Variants in UTP15 observed in about 807,000 individuals in gnomAD.
UTP15 encodes the protein UTP15 small subunit processome component.
UTP15 carries 5 observed loss-of-function variants against 59.1 expected under a neutral mutation model. The observed-to-expected ratio is 0.08, with a 90% CI of 0.04 to 0.18. The LOEUF (loss-of-function observed/expected upper bound fraction) is 0.18, where lower values mean the gene tolerates loss of function less well. Ranked by LOEUF, UTP15 falls within the 10% of genes least tolerant of loss-of-function variation. The probability of loss-of-function intolerance (pLI) is 1.00; values close to 1 mark genes in which losing one functional copy is unlikely to be tolerated. For synonymous variants in UTP15, 211 were observed against 212.2 expected (o/e 0.99, Z 0.05); for missense variants, 494 against 616.7 (o/e 0.80, Z 2.11).
At chr5:73,574,810 T>C (rs1748042473) in intron 7 of UTP15, among the ~76,000 whole-genome samples, 1 of 152,232 alleles carries the variant, frequency 6.6e-6, no homozygotes, top group Non-Finnish European at 1.5e-5. Context: ...TTTATTATTT[T>C]ATTTCCATAT....
At position 73,568,299 on chromosome 5, in the gene UTP15, A is replaced by G. The variant is rs375385937; in HGVS notation, c.155A>G (p.Tyr52Cys). 1 of 1,610,802 alleles carries G rather than the reference A, an allele frequency of 6.2e-7. No homozygotes were observed. Among genetic ancestry groups the G allele is most frequent in the Non-Finnish European group, 8.5e-7 (1 of 1,179,030 alleles). The change falls in exon 3 of 13, where the codon TAT (tyrosine) becomes TGT (cysteine). Residue 52 changes from tyrosine to cysteine, a missense_variant. Coordinates refer to ENST00000296792, the MANE Select transcript of UTP15 (RefSeq NM_032175.4). The part of the protein sequence containing the change: ...SKVDFSPQPP[Y>C]NYAVTASSRI... Reference sequence around the variant, plus strand: ...GTAGACTTTTCTCCTCAGCCTCCATATAATTATGCTGTCACAGCTTCCTCA... The same window carrying G: ...GTAGACTTTTCTCCTCAGCCTCCATGTAATTATGCTGTCACAGCTTCCTCA...
chr5:73,573,065 G>A (rs1256705192), intron 7 of UTP15, among the ~76,000 whole-genome samples: 1 of 151,946 alleles, frequency 6.6e-6, no homozygotes, highest in East Asian at 1.9e-4. Context: ...CAAAGTGCTG[G>A]GATTACAGGC....
intron 7 of UTP15, among the ~76,000 whole-genome samples, chr5:73,574,001 G>A (rs1197683021): frequency 1.3e-5 from 2 of 152,050 alleles, no homozygotes; most frequent in East Asian, 3.8e-4. Context: ...AATAAATTAA[G>A]CATCTAAACA....
chr5:73,567,308 T>C lies in UTP15; in HGVS notation c.-37T>C, dbSNP rs1747805160. The C allele has an allele frequency of 7.0e-7, 1 of 1,437,736 alleles. No homozygotes were observed. The highest frequency in any genetic ancestry group is 9.5e-7 in the Non-Finnish European group (1 of 1,051,028). The allele number at this position is 1,437,736 out of a possible 1,614,324, so 89.1% of individuals were successfully genotyped here. ...ATTATTTCTAATACCAATTCCAAAATAGTGACTCTTGGACAATAGTGCAAT... is the reference window on the plus strand; with the variant it reads ...ATTATTTCTAATACCAATTCCAAAACAGTGACTCTTGGACAATAGTGCAAT... On this transcript the variant is annotated 5_prime_UTR_variant, in exon 2 of 13. Transcript: ENST00000296792.
In UTP15 at chr5:73,568,594, G is replaced by A. The variant is rs765030861; in HGVS notation, c.358G>A (p.Gly120Ser). 9 of 1,610,476 alleles carry A rather than the reference G, an allele frequency of 5.6e-6. No homozygotes were observed. In the East Asian group the frequency reaches 6.7e-5, roughly 12 times the overall value. ...GAGGGCTCCCCTCAGGCAGTTTGAAGGCCATACAAAGTAAGAGACAGTTGG... is the reference window on the plus strand; with the variant it reads ...GAGGGCTCCCCTCAGGCAGTTTGAAAGCCATACAAAGTAAGAGACAGTTGG... Reference protein sequence around the residue: ...SGRAPLRQFEGHTKAVHTVDF... With the variant: ...SGRAPLRQFESHTKAVHTVDF... Residue 120 changes from glycine to serine, a missense_variant, in exon 4 of 13, where the codon GGC (glycine) becomes AGC (serine). Physicochemically the swap from Gly to Ser is moderately conservative, Grantham distance 56 (BLOSUM62 0). Coordinates refer to ENST00000296792, the MANE Select transcript of UTP15 (RefSeq NM_032175.4).
chr5:73,578,864 T>C lies in UTP15; in HGVS notation c.1146+12T>C. 6.2e-7 allele frequency: 1 copy of C among 1,611,608 alleles called. No homozygotes were observed. The highest frequency in any genetic ancestry group is 8.5e-7 in the Non-Finnish European group (1 of 1,177,932). On this transcript the variant is annotated intron_variant, in intron 10 of 12. Coordinates refer to ENST00000296792, the MANE Select transcript of UTP15 (RefSeq NM_032175.4). ...ATAGAGTTCTTGATGTGAGTGAGCA[T>C]TTTTTAAAAAATCATGTTATTACTT...
rs1404164633 is a variant in UTP15, at chr5:73,580,382, G to T, written c.*288G>T. 1 of 230,966 alleles carries T rather than the reference G, an allele frequency of 4.3e-6. No homozygotes were observed. Among genetic ancestry groups the T allele is most frequent in the African/African-American group, 2.3e-5 (1 of 43,454 alleles). The allele number at this position is 230,966 out of a possible 1,614,324, so 14.3% of individuals were successfully genotyped here. A position where few individuals can be genotyped will look rare whatever the true frequency, so the allele number is the denominator to read the frequency against. Reference sequence around the variant, plus strand: ...ATTAATTTTAATACAGGAGTGTTCTGTATCAACATTTGGGTTGGTATTCAG... The same window carrying T: ...ATTAATTTTAATACAGGAGTGTTCTTTATCAACATTTGGGTTGGTATTCAG... On this transcript the variant is annotated 3_prime_UTR_variant, in exon 13 of 13. Transcript: ENST00000296792.
intron 1 of UTP15, chr5:73,566,224 G>C (rs1747757665): frequency 4.6e-6 from 1 of 217,292 alleles, no homozygotes; most frequent in Non-Finnish European, 9.5e-6. Context: ...ATATTTGGGA[G>C]ATAAAATCAG....
In UTP15 at chr5:73,576,999, T is replaced by A; in HGVS notation, c.857T>A (p.Phe286Tyr). The change falls in exon 8 of 13, where the codon TTT (phenylalanine) becomes TAT (tyrosine). Residue 286 changes from phenylalanine (F) to tyrosine (Y), a missense_variant. Phe to Tyr is a conservative substitution (Grantham distance 22). Transcript: ENST00000296792. ...STTSYKVVHS[F>Y]DYAASILSLA... ...ACTTCCTACAAAGTAGTCCACAGTT[T>A]TGATTATGCAGCTTCAATTTTGAGT... 1 of 1,611,376 alleles carries A rather than the reference T, an allele frequency of 6.2e-7. No individual in the cohort carries two copies. The highest frequency in any genetic ancestry group is 2.2e-5 in the East Asian group (1 of 44,770).
chr5:73,570,539 T>G, intron 5 of UTP15, 47 bp from the exon 6 acceptor site: 2 of 1,591,482 alleles, frequency 1.3e-6, no homozygotes, highest in South Asian at 1.1e-5. Flanking sequence ...ACACAGTTTT[T>G]GTTGTTTTAA....
chr5:73,573,342 G>A (rs1412380489), intron 7 of UTP15, among the ~76,000 whole-genome samples: 3 of 150,510 alleles, frequency 2.0e-5, no homozygotes, highest in Non-Finnish European at 2.9e-5. Context: ...CTGTCTCCCA[G>A]GTTCAAGCGA....
intron 7 of UTP15, among the ~76,000 whole-genome samples, chr5:73,573,657 A>G (rs1748007531): frequency 6.6e-6 from 1 of 151,158 alleles, no homozygotes; most frequent in Non-Finnish European, 1.5e-5. Flanking sequence ...GCTCACTGCA[A>G]CCTCTGCTTC....
chr5:73,581,185 G>A lies in UTP15; in HGVS notation c.*1091G>A, dbSNP rs962761118. On this transcript the variant is annotated 3_prime_UTR_variant, in exon 13 of 13. Transcript: ENST00000296792. ...TTCTCCTGCCTCAGCCTCCTGAGTA[G>A]CTGGGATTACAGGTGTGCCCCACCA... The A allele has an allele frequency of 6.6e-6, 1 of 151,918 alleles. No homozygotes were observed. The highest frequency in any genetic ancestry group is 1.5e-5 in the Non-Finnish European group (1 of 68,090). 9.4% of individuals were successfully genotyped at this position (151,918 alleles called of 1,614,324 possible). A position where few individuals can be genotyped will look rare whatever the true frequency, so the allele number is the denominator to read the frequency against.
intron 4 of UTP15, among the ~76,000 whole-genome samples, chr5:73,569,138 T>G (rs1013620803): frequency 6.6e-6 from 1 of 152,236 alleles, no homozygotes; most frequent in African/African-American, 2.4e-5. Flanking sequence ...GTAACATGAT[T>G]CTATTTAGTG....
At chr5:73,571,739 C>G (rs1376822378) in intron 6 of UTP15, among the ~76,000 whole-genome samples, 1 of 151,802 alleles carries the variant, frequency 6.6e-6, no homozygotes, top group Admixed American at 6.6e-5. Context: ...AGTTTGAGAC[C>G]AGCCTGGGCA....
intron 6 of UTP15, among the ~76,000 whole-genome samples, chr5:73,571,290 A>G (rs1335927695): frequency 1.3e-5 from 2 of 150,134 alleles, no homozygotes; most frequent in Non-Finnish European, 3.0e-5. Context: ...TTTTTCTGTG[A>G]CTCTCTTGAT....
At chr5:73,578,508 C>T (rs1273302556) in intron 9 of UTP15, 1 of 424,674 alleles carries the variant, frequency 2.4e-6, no homozygotes, top group Non-Finnish European at 4.2e-6. Flanking sequence ...GGCAATGGTG[C>T]ATGTTGTAAG....
At chr5:73,578,945 T>C in intron 10 of UTP15, 72 bp from the exon 11 acceptor site, 1 of 1,579,778 alleles carries the variant, frequency 6.3e-7, no homozygotes, top group South Asian at 1.1e-5. Context: ...TCAAACTTGA[T>C]AATTTAGTGC....
intron 6 of UTP15, among the ~76,000 whole-genome samples, chr5:73,571,510 G>A (rs1309244388): frequency 6.6e-6 from 1 of 150,762 alleles, no homozygotes; most frequent in Non-Finnish European, 1.5e-5. Flanking sequence ...TTAGAAGAAT[G>A]TATAGGTAGT....
Sources: allele counts gnomAD v4.1 joint callset (sites outside exome capture counted in the v4.1 genomes callset), GRCh38; gene constraint gnomAD v4.1.1; transcripts MANE v1.5; gene names NCBI Gene and HGNC (gene_info 2026-07-23, HGNC 2026-07-21).